RNLS: variants seen among roughly 807,000 people sequenced by gnomAD.
RNLS encodes the protein renalase.
Under a neutral mutation model 39.8 loss-of-function variants are expected in RNLS, and 39 were observed. That is an observed-to-expected ratio of 0.98 (90% CI 0.76 to 1.28). The LOEUF (loss-of-function observed/expected upper bound fraction) is 1.28, where lower values mean the gene tolerates loss of function less well. RNLS is among the 50% of genes most tolerant of loss of function. The pLI, the probability that RNLS is intolerant of heterozygous loss-of-function variation, is 0.00. For synonymous variants in RNLS, 147 were observed against 150.7 expected, an observed-to-expected ratio of 0.98 and a Z score of 0.18; for missense variants, 410 against 413.3, an observed-to-expected ratio of 0.99 and a Z score of 0.07.
At chr10:88,458,241 C>T (rs1374326270) in intron 4 of RNLS, among the ~76,000 whole-genome samples, 1 of 152,210 alleles carries the variant, frequency 6.6e-6, no homozygotes, top group Non-Finnish European at 1.5e-5. Flanking sequence ...GGTAGTGCCA[C>T]ATCCATTCTG....
At chr10:88,225,271 G>A in the RNLS span, among the ~76,000 whole-genome samples, 1 of 152,146 alleles carries the variant, frequency 6.6e-6, no homozygotes, top group Non-Finnish European at 1.5e-5. Flanking sequence ...ATTCTAAGGG[G>A]TCAGTAATGA....
At chr10:88,451,640 TA>T (rs1842364830) in intron 4 of RNLS, among the ~76,000 whole-genome samples, 1 of 152,232 alleles carries the variant, frequency 6.6e-6, no homozygotes, top group South Asian at 2.1e-4. Flanking sequence ...AAAGTGGATG[TA>T]AGAAGTGCAG....
At chr10:88,265,691 A>G in the RNLS span, among the ~76,000 whole-genome samples, 892 of 152,264 alleles carry the variant, frequency 5.9e-3, 2 homozygotes, top group Non-Finnish European at 9.3e-3. Flanking sequence ...TGATTTGTGT[A>G]CATTAATTTT....
At chr10:88,227,436 G>C in the RNLS span, among the ~76,000 whole-genome samples, 7 of 152,292 alleles carry the variant, frequency 4.6e-5, no homozygotes, top group Middle Eastern at 3.4e-3. Flanking sequence ...ATATGCTATG[G>C]TAGCGATGAA....
At chr10:88,359,768 A>G (rs989320747) in intron 5 of RNLS, among the ~76,000 whole-genome samples, 13 of 152,156 alleles carry the variant, frequency 8.5e-5, no homozygotes, top group African/African-American at 3.1e-4. Context: ...ACTCTTTCAA[A>G]TTTGCATAAT....
chr10:88,312,951 A>C (rs1845492701), intron 6 of RNLS, among the ~76,000 whole-genome samples: 1 of 152,194 alleles, frequency 6.6e-6, no homozygotes, highest in Admixed American at 6.5e-5. Flanking sequence ...CAAACTTCTA[A>C]GTCTGGATGA....
chr10:88,466,965 C>G (rs1265647336), intron 4 of RNLS, among the ~76,000 whole-genome samples: 2 of 152,102 alleles, frequency 1.3e-5, no homozygotes, highest in Non-Finnish European at 2.9e-5. Context: ...AAGCCATAGC[C>G]TAGAGCACAA....
intron 4 of RNLS, among the ~76,000 whole-genome samples, chr10:88,394,775 C>T (rs1852446495): frequency 6.6e-6 from 1 of 152,146 alleles, no homozygotes; most frequent in Admixed American, 6.5e-5. Flanking sequence ...TTCACAATAG[C>T]AGATACTTGG....
At chr10:88,305,500 G>GA (rs1844853460) in intron 6 of RNLS, among the ~76,000 whole-genome samples, 1 of 151,856 alleles carries the variant, frequency 6.6e-6, no homozygotes, top group South Asian at 2.1e-4. Context: ...ATCTACCAAG[G>GA]AAATGGAAAA....
chr10:88,379,574 C>T lies in RNLS; in HGVS notation c.527-16849G>A, dbSNP rs117692425. 8.1e-3 allele frequency among the ~76,000 whole-genome samples: 1,234 copies of T among 152,206 alleles called. 19 individuals are homozygous for T. Among genetic ancestry groups the T allele is most frequent in the South Asian group, 0.029 (141 of 4,818 alleles). ...TGCCTTTTCCTGATAACTAATTTGC[C>T]AGATAGATTTTCCAAAAATGGTTGC... On this transcript the variant is annotated intron_variant, in intron 4 of 6. Coordinates refer to ENST00000331772, the MANE Select transcript of RNLS (RefSeq NM_001031709.3).
the RNLS span, chr10:88,259,481 A>G: frequency 2.0e-5 from 3 of 152,226 alleles, no homozygotes; most frequent in Non-Finnish European, 4.4e-5. Context: ...TGAAAGTTCT[A>G]CTTGGAAACG....
chr10:88,544,271 T>C (rs1848184515), intron 4 of RNLS, among the ~76,000 whole-genome samples: 1 of 152,186 alleles, frequency 6.6e-6, no homozygotes, highest in African/African-American at 2.4e-5. Flanking sequence ...ACTTCTAAGA[T>C]TGCCTCATTT....
intron 4 of RNLS, among the ~76,000 whole-genome samples, chr10:88,561,729 C>T (rs899567783): frequency 6.6e-6 from 1 of 151,816 alleles, no homozygotes; most frequent in Non-Finnish European, 1.5e-5. Context: ...ATTATTATGG[C>T]AAATGAAATA....
intron 6 of RNLS, among the ~76,000 whole-genome samples, chr10:88,311,031 T>G (rs1845341677): frequency 6.6e-6 from 1 of 152,096 alleles, no homozygotes; most frequent in African/African-American, 2.4e-5. Context: ...CTGATTTCCT[T>G]GGTATCTGAA....
rs557094093 is a variant in RNLS, at chr10:88,494,502, C to T, written c.526+78401G>A. Among the ~76,000 whole-genome samples, 20 of 152,256 alleles carry T rather than the reference C, an allele frequency of 1.3e-4. No individual in the cohort carries two copies. In the South Asian group the frequency reaches 3.9e-3, roughly 30 times the overall value. ...TCTTTTCATTTCATTAAAGTATTTACTTGAACCTCTACTTACTTTTAGAAA... is the reference window on the plus strand; with the variant it reads ...TCTTTTCATTTCATTAAAGTATTTATTTGAACCTCTACTTACTTTTAGAAA... On this transcript the variant is annotated intron_variant, in intron 4 of 6. Coordinates refer to ENST00000331772, the MANE Select transcript of RNLS (RefSeq NM_001031709.3).
intron 4 of RNLS, among the ~76,000 whole-genome samples, chr10:88,480,790 T>TGTGTGC (rs1844114720): frequency 6.8e-6 from 1 of 146,208 alleles, no homozygotes; most frequent in African/African-American, 2.5e-5. Context: ...TGTGTCTTTG[T>TGTGTGC]GTGTGTGTGT....
intron 4 of RNLS, among the ~76,000 whole-genome samples, chr10:88,469,881 T>C (rs1843420383): frequency 6.6e-6 from 1 of 150,654 alleles, no homozygotes; most frequent in African/African-American, 2.4e-5. Context: ...ACTTTCTAAA[T>C]TTCTTACACC....
At chr10:88,246,895 C>A in the RNLS span, among the ~76,000 whole-genome samples, 1 of 152,168 alleles carries the variant, frequency 6.6e-6, no homozygotes, top group Non-Finnish European at 1.5e-5. Flanking sequence ...CTGTTGTAAT[C>A]AAATAAAGCT....
chr10:88,498,377 T>C (rs1164422932), intron 4 of RNLS, among the ~76,000 whole-genome samples: 3 of 151,416 alleles, frequency 2.0e-5, no homozygotes, highest in African/African-American at 7.3e-5. Flanking sequence ...ACTTTTCAAA[T>C]ATACCAGGGT....
Sources: allele counts gnomAD v4.1 joint callset (sites outside exome capture counted in the v4.1 genomes callset), GRCh38; gene constraint gnomAD v4.1.1; transcripts MANE v1.5; gene names NCBI Gene and HGNC (gene_info 2026-07-23, HGNC 2026-07-21).